ANXA4: variants seen among roughly 807,000 people sequenced by gnomAD.
ANXA4 encodes 35-beta calcimedin.
A neutral mutation model predicts 49.8 loss-of-function variants in ANXA4; 39 were observed. The observed-to-expected ratio is 0.78, with a 90% confidence interval of 0.61 to 1.02. The LOEUF (loss-of-function observed/expected upper bound fraction) is 1.02. Among genes scored for constraint, ANXA4 ranks in the 50% least tolerant of loss-of-function variants. The pLI, the probability that ANXA4 is intolerant of heterozygous loss-of-function variation, is 0.00. For missense variants in ANXA4, 360 were observed against 410.1 expected, an observed-to-expected ratio of 0.88 and a Z score of 1.05; for synonymous variants, 134 against 152.5, an observed-to-expected ratio of 0.88 and a Z score of 0.89.
intron 2 of ANXA4, among the ~76,000 whole-genome samples, chr2:69,667,449 T>C (rs1676979388): frequency 1.3e-5 from 2 of 150,640 alleles, no homozygotes; most frequent in African/African-American, 4.9e-5. Context: ...CTCGGCACAT[T>C]ACCCATCTGA....
chr2:69,707,099 A>G (rs1678523029), intron 2 of ANXA4, among the ~76,000 whole-genome samples: 1 of 152,188 alleles, frequency 6.6e-6, no homozygotes, highest in Admixed American at 6.5e-5. Flanking sequence ...AGCTTAGCCT[A>G]TATTTTATAT....
chr2:69,730,725 A>G (rs1670074930), intron 3 of ANXA4, among the ~76,000 whole-genome samples: 1 of 152,166 alleles, frequency 6.6e-6, no homozygotes, highest in Non-Finnish European at 1.5e-5. Flanking sequence ...AACTGTCTAA[A>G]TCTGTTTGGG....
intron 2 of ANXA4, among the ~76,000 whole-genome samples, chr2:69,718,159 A>G (rs1669699779): frequency 6.6e-6 from 1 of 152,130 alleles, no homozygotes; most frequent in African/African-American, 2.4e-5. Flanking sequence ...CCAAATGTCA[A>G]GTTCCTGCTG....
intron 1 of ANXA4, among the ~76,000 whole-genome samples, chr2:69,776,077 T>G (rs1034672029): frequency 6.6e-6 from 1 of 152,024 alleles, no homozygotes; most frequent in Non-Finnish European, 1.5e-5. Flanking sequence ...GGGGTTCACA[T>G]GATTCTCCTG....
chr2:69,757,238 T>TTTTATATA (rs1267602375), intron 1 of ANXA4, among the ~76,000 whole-genome samples: 6 of 59,066 alleles, frequency 1.0e-4, no homozygotes, highest in Admixed American at 5.5e-4. Context: ...CATTTTTGTT[T>TTTTATATA]TATATATATA....
At chr2:69,736,449 C>G (rs1180287354) in intron 3 of ANXA4, among the ~76,000 whole-genome samples, 1 of 152,166 alleles carries the variant, frequency 6.6e-6, no homozygotes, top group Non-Finnish European at 1.5e-5. Context: ...ACCTAGAATA[C>G]TGACTGGCAC....
chr2:69,691,335 G>A (rs553215730), intron 2 of ANXA4, among the ~76,000 whole-genome samples: 15 of 151,672 alleles, frequency 9.9e-5, no homozygotes, highest in Non-Finnish European at 1.9e-4. Flanking sequence ...TGTTGGCCTC[G>A]AACTCCTGAC....
At chr2:69,665,215 A>G (rs145691503) in intron 2 of ANXA4, among the ~76,000 whole-genome samples, 45 of 152,338 alleles carry the variant, frequency 3.0e-4, no homozygotes, top group African/African-American at 1.0e-3. Context: ...TTTGGAGCAT[A>G]TAAGTACATG....
In ANXA4 at chr2:69,692,287, T is replaced by C. The variant is rs186110904; in HGVS notation, n.767-28487T>C. Among the ~76,000 whole-genome samples the C allele has an allele frequency of 6.1e-3, 927 of 152,354 alleles. 21 individuals carry two copies. Among genetic ancestry groups the C allele is most frequent in the Admixed American group, 9.7e-3 (149 of 15,302 alleles). ...TTATAAAATATGAATTTGGGCATGA[T>C]GATATGCATTATGCAATTTACCATG... On this transcript the variant is annotated intron_variant and non_coding_transcript_variant, in intron 2 of 3. Coordinates refer to the ANXA4 transcript ENST00000418066.
At chr2:69,741,765 C>T (rs1459022857), upstream of ANXA4, among the ~76,000 whole-genome samples, 1 of 152,292 alleles carries the variant, frequency 6.6e-6, no homozygotes, top group Non-Finnish European at 1.5e-5. Flanking sequence ...CCGGGCTCGG[C>T]CCTCCGAGGG....
At chr2:69,699,648 CAAAACAA>C (rs1411125814) in intron 2 of ANXA4, among the ~76,000 whole-genome samples, 2 of 151,804 alleles carry the variant, frequency 1.3e-5, no homozygotes, top group Non-Finnish European at 1.5e-5. Context: ...CAAAACAAAA[CAAAACAA>C]AAAACAAGAA....
At chr2:69,679,877 A>G (rs1027807617) in intron 2 of ANXA4, among the ~76,000 whole-genome samples, 2 of 152,134 alleles carry the variant, frequency 1.3e-5, no homozygotes, top group African/African-American at 4.8e-5. Context: ...TTTTATACCA[A>G]TACCACCCTA....
intron 1 of ANXA4, among the ~76,000 whole-genome samples, chr2:69,774,615 C>T (rs1573232865): frequency 1.3e-5 from 2 of 151,348 alleles, no homozygotes; most frequent in Non-Finnish European, 2.9e-5. Context: ...GCAGAGATTA[C>T]AGGCGTGAGC....
At chr2:69,703,301 G>C (rs1678391487) in intron 2 of ANXA4, among the ~76,000 whole-genome samples, 1 of 151,426 alleles carries the variant, frequency 6.6e-6, no homozygotes, top group African/African-American at 2.4e-5. Context: ...CCCTTTTAAA[G>C]TATGCAATTC....
chr2:69,720,467 G>A (rs1033428618), intron 2 of ANXA4, among the ~76,000 whole-genome samples: 1 of 152,184 alleles, frequency 6.6e-6, no homozygotes, highest in African/African-American at 2.4e-5. Flanking sequence ...AGCAGAGGCA[G>A]TGAGGGGAAG....
At chr2:69,698,398 C>T (rs1678224556) in intron 2 of ANXA4, among the ~76,000 whole-genome samples, 1 of 152,192 alleles carries the variant, frequency 6.6e-6, no homozygotes, top group South Asian at 2.1e-4. Context: ...TAAAAAACTG[C>T]CCTTCAACTC....
chr2:69,801,984 TG>T lies in ANXA4; in HGVS notation c.98-2547del, dbSNP rs373501346. 2.4e-4 allele frequency among the ~76,000 whole-genome samples: 37 copies of T among 152,278 alleles called. No homozygotes were observed. The East Asian group carries it at 6.4e-3, about 26-fold the overall frequency. On this transcript the variant is annotated intron_variant, in intron 3 of 12. Transcript: ENST00000394295. ...CTGGTAATGAAGGGGGTCAGGAGCC[TG>T]GAGTGCAGCACAGTTGGGTAAAGCA...
chr2:69,806,573 C>A, intron 5 of ANXA4, 75 bp downstream of exon 5: 1 of 1,286,022 alleles, frequency 7.8e-7, no homozygotes, highest in Non-Finnish European at 1.1e-6. Flanking sequence ...AACTGTCACC[C>A]AATAAGAAAG....
chr2:69,662,895 AT>A (rs1676774187), intron 2 of ANXA4, among the ~76,000 whole-genome samples: 2 of 152,166 alleles, frequency 1.3e-5, no homozygotes, highest in Non-Finnish European at 1.5e-5. Flanking sequence ...CTCATGTACT[AT>A]AAGTATGTCC....
Sources: gnomAD v4.1 joint callset for allele counts (sites outside exome capture counted in the v4.1 genomes callset) on GRCh38, gnomAD v4.1.1 for gene constraint, MANE v1.5 for transcripts, NCBI Gene and HGNC (gene_info 2026-07-23, HGNC 2026-07-21) for gene names.